Variants in DTHD1 observed in about 807,000 individuals in gnomAD.
DTHD1 encodes the protein death domain-containing protein 1.
Under a neutral mutation model 74.8 loss-of-function variants are expected in DTHD1, and 59 were observed. The ratio of observed to expected loss-of-function variants is 0.79; its 90% CI spans 0.64 to 0.98. DTHD1 has a LOEUF of 0.98. DTHD1 is among the 50% of genes least tolerant of loss of function. DTHD1 has a pLI of 0.00. For synonymous variants in DTHD1, 365 were observed against 371.1 expected (o/e 0.98, Z 0.19); for missense variants, 1,051 against 1,065.4 (o/e 0.99, Z 0.19).
intron 8 of DTHD1, among the ~76,000 whole-genome samples, chr4:36,336,632 C>G (rs1177277590): frequency 1.3e-5 from 2 of 152,064 alleles, no homozygotes; most frequent in Non-Finnish European, 2.9e-5. Context: ...TGTAACTCCC[C>G]CTAATAGGGA....
At chr4:36,316,798 G>GA (rs890203691) in intron 8 of DTHD1, among the ~76,000 whole-genome samples, 20 of 152,138 alleles carry the variant, frequency 1.3e-4, no homozygotes, top group Middle Eastern at 6.8e-3. Context: ...AATCATTTAT[G>GA]AAAAAAATAC....
At chr4:36,309,854 C>T (rs560569245) in intron 7 of DTHD1, among the ~76,000 whole-genome samples, 8 of 152,260 alleles carry the variant, frequency 5.3e-5, no homozygotes, top group Middle Eastern at 3.4e-3. Context: ...ATTTCAACAA[C>T]GAGTTTTTCA....
At chr4:36,290,839 C>CGTTCA in intron 3 of DTHD1, 136 bp downstream of exon 3, 1 of 719,932 alleles carries the variant, frequency 1.4e-6, no homozygotes, top group South Asian at 2.0e-5. Context: ...TGTGCCAGTG[C>CGTTCA]GTTCACAGTT....
chr4:36,302,108 C>T (rs911501578), intron 5 of DTHD1, among the ~76,000 whole-genome samples: 1 of 152,192 alleles, frequency 6.6e-6, no homozygotes, highest in African/African-American at 2.4e-5. Flanking sequence ...CTGAACCACG[C>T]ATAGCGTAAC....
At position 36,301,268 on chromosome 4, in the gene DTHD1, C is replaced by G. The variant is rs538824811; in HGVS notation, c.1644-4923C>G. ...CTACAATTTCTGCAAATTGCCCTTTCTATCCATGCAGATGCAGTGGGAGCT... is the reference window on the plus strand; with the variant it reads ...CTACAATTTCTGCAAATTGCCCTTTGTATCCATGCAGATGCAGTGGGAGCT... On this transcript the variant is annotated intron_variant, in intron 5 of 9. Coordinates refer to ENST00000639862, the MANE Select transcript of DTHD1 (RefSeq NM_001170700.3). 2.6e-5 allele frequency among the ~76,000 whole-genome samples: 4 copies of G among 152,316 alleles called. No individual in the cohort carries two copies. In the South Asian group the frequency reaches 8.3e-4, roughly 32 times the overall value.
intron 2 of DTHD1, among the ~76,000 whole-genome samples, chr4:36,286,974 T>C (rs1755751340): frequency 6.6e-6 from 1 of 152,218 alleles, no homozygotes; most frequent in African/African-American, 2.4e-5. Context: ...TTAAAAATTT[T>C]TCTTATTTTT....
chr4:36,287,893 C>G (rs1055699561), intron 2 of DTHD1, among the ~76,000 whole-genome samples: 1 of 152,026 alleles, frequency 6.6e-6, no homozygotes, highest in African/African-American at 2.4e-5. Flanking sequence ...AGTCCTTTGT[C>G]GGATATATAG....
intron 5 of DTHD1, among the ~76,000 whole-genome samples, chr4:36,305,137 A>T (rs1756967981): frequency 1.3e-5 from 2 of 152,236 alleles, no homozygotes; most frequent in Admixed American, 1.3e-4. Context: ...TACAGCAGAA[A>T]GCAGAGTTAG....
At position 36,284,309 on chromosome 4, in the gene DTHD1, T is replaced by G; in HGVS notation, c.605T>G (p.Leu202Arg). The change falls in exon 2 of 10, where the codon CTG becomes CGG. Residue 202 changes from leucine (L) to arginine (R), a missense_variant. Physicochemically the swap from Leu to Arg is moderately radical, Grantham distance 102. Coordinates refer to ENST00000639862, the MANE Select transcript of DTHD1 (RefSeq NM_001170700.3). ...AATACATCACTGAATGGACGTGTACTGGGGCAAGAAGAGTCACAGAATAAA... is the reference window on the plus strand; with the variant it reads ...AATACATCACTGAATGGACGTGTACGGGGGCAAGAAGAGTCACAGAATAAA... ...ENNTSLNGRV[L>R]GQEESQNKMF... The G allele has an allele frequency of 6.5e-7, 1 of 1,537,182 alleles. No individual in the cohort carries two copies. The highest frequency in any genetic ancestry group is 1.4e-5 in the African/African-American group (1 of 73,162).
At chr4:36,307,721 T>C (rs1264604655) in intron 6 of DTHD1, among the ~76,000 whole-genome samples, 1 of 152,244 alleles carries the variant, frequency 6.6e-6, no homozygotes, top group East Asian at 1.9e-4. Flanking sequence ...TGCTCATCTT[T>C]CTCTTCTATA....
intron 7 of DTHD1, among the ~76,000 whole-genome samples, chr4:36,310,955 T>C (rs1372665940): frequency 6.6e-6 from 1 of 152,076 alleles, no homozygotes; most frequent in Non-Finnish European, 1.5e-5. Context: ...TGGAGAAATC[T>C]CTCTACTGAG....
In DTHD1 at chr4:36,294,995, A is replaced by G; in HGVS notation, c.1599A>G (p.Arg533=). The change falls in exon 5 of 10, where the codon AGA becomes AGG. Residue 533 remains arginine, a synonymous_variant. Transcript: ENST00000639862. ...NLGSEIDHKR[R]ASATINRITP... ...GTTCTGAGATAGATCATAAAAGAAG[A>G]GCAAGTGCCACAATAAATAGGATTA... The G allele has an allele frequency of 6.4e-7, 1 of 1,550,924 alleles. No individual in the cohort carries two copies. Among genetic ancestry groups the G allele is most frequent in the South Asian group, 1.2e-5 (1 of 84,004 alleles).
chr4:36,285,392 G>A (rs1755641292), intron 2 of DTHD1, among the ~76,000 whole-genome samples: 1 of 152,102 alleles, frequency 6.6e-6, no homozygotes, highest in African/African-American at 2.4e-5. Flanking sequence ...GAACTCTAGG[G>A]ATTTTATGGA....
At chr4:36,298,006 G>T (rs1756544402) in intron 5 of DTHD1, among the ~76,000 whole-genome samples, 1 of 151,698 alleles carries the variant, frequency 6.6e-6, no homozygotes, top group African/African-American at 2.4e-5. Context: ...GTGGCTATTT[G>T]TCATCAGTTA....
chr4:36,302,453 G>A (rs1461590184), intron 5 of DTHD1, among the ~76,000 whole-genome samples: 1 of 152,116 alleles, frequency 6.6e-6, no homozygotes, highest in Non-Finnish European at 1.5e-5. Flanking sequence ...AAGCACTCAG[G>A]TCATTTGAAC....
chr4:36,309,388 GT>G (rs1757250730), intron 7 of DTHD1, among the ~76,000 whole-genome samples: 4 of 152,200 alleles, frequency 2.6e-5, no homozygotes, highest in Admixed American at 2.6e-4. Flanking sequence ...GGAGGCGGAG[GT>G]TGCAGGTTGC....
chr4:36,342,557 C>G (rs886846173), intron 9 of DTHD1, among the ~76,000 whole-genome samples: 28 of 152,056 alleles, frequency 1.8e-4, no homozygotes, highest in African/African-American at 6.3e-4. Context: ...AACAGGTGAA[C>G]AGGAGTCAAC....
intron 5 of DTHD1, among the ~76,000 whole-genome samples, chr4:36,300,765 C>T (rs1414312001): frequency 6.6e-6 from 1 of 152,234 alleles, no homozygotes; most frequent in Admixed American, 6.5e-5. Flanking sequence ...TTCCTTTGTG[C>T]TTCTCAATGA....
intron 5 of DTHD1, among the ~76,000 whole-genome samples, chr4:36,299,637 G>A (rs1420185496): frequency 3.9e-5 from 6 of 152,002 alleles, no homozygotes; most frequent in South Asian, 4.1e-4. Flanking sequence ...CTGTCCTTCC[G>A]AGTTTCCACA....
Sources: gnomAD v4.1 joint callset for allele counts (sites outside exome capture counted in the v4.1 genomes callset) on GRCh38, gnomAD v4.1.1 for gene constraint, MANE v1.5 for transcripts, NCBI Gene and HGNC (gene_info 2026-07-23, HGNC 2026-07-21) for gene names.